The following RBFOX1 variants were observed in gnomAD, a reference collection of about 807,000 sequenced individuals.
The protein encoded by RBFOX1 is RNA binding protein fox-1 homolog 1.
RBFOX1 carries 8 observed loss-of-function variants against 57.7 expected under a neutral mutation model. That is an observed-to-expected ratio of 0.14 (90% CI 0.08 to 0.25). The LOEUF is 0.25. Among genes scored for constraint, RBFOX1 ranks in the 10% least tolerant of loss-of-function variants. RBFOX1 has a pLI of 1.00. For synonymous variants in RBFOX1, 326 were observed against 222.4 expected, an observed-to-expected ratio of 1.47 and a Z score of -4.15; for missense variants, 611 against 548.5, an observed-to-expected ratio of 1.11 and a Z score of -1.14.
chr16:6,574,611 G>T (rs1215976830), intron 2 of RBFOX1, among the ~76,000 whole-genome samples: 2 of 148,992 alleles, frequency 1.3e-5, no homozygotes, highest in Admixed American at 6.6e-5. Flanking sequence ...TGTATTTTTA[G>T]TAGAGACGGG....
At chr16:7,382,300 A>G (rs1256609790) in intron 4 of RBFOX1, among the ~76,000 whole-genome samples, 1 of 152,240 alleles carries the variant, frequency 6.6e-6, no homozygotes, top group Non-Finnish European at 1.5e-5. Context: ...CATAAATTAT[A>G]TCATACTTAA....
intron 4 of RBFOX1, among the ~76,000 whole-genome samples, chr16:7,347,582 C>G (rs146728815): frequency 1.3e-5 from 2 of 152,198 alleles, no homozygotes; most frequent in Admixed American, 1.3e-4. Context: ...CTGGAATTAT[C>G]GAGCATTATC....
intron 2 of RBFOX1, among the ~76,000 whole-genome samples, chr16:6,606,892 C>G (rs1250825293): frequency 6.6e-6 from 1 of 152,100 alleles, no homozygotes; most frequent in Admixed American, 6.5e-5. Flanking sequence ...ATTGCTGGGT[C>G]AAATGGTGTT....
chr16:5,309,425 G>C (rs1366546665), intron 1 of RBFOX1, among the ~76,000 whole-genome samples: 1 of 152,154 alleles, frequency 6.6e-6, no homozygotes, highest in Non-Finnish European at 1.5e-5. Flanking sequence ...TAACACCAAA[G>C]TTGATTGATC....
chr16:6,679,227 A>C (rs1308417015), intron 3 of RBFOX1, among the ~76,000 whole-genome samples: 2 of 152,064 alleles, frequency 1.3e-5, no homozygotes, highest in Non-Finnish European at 2.9e-5. Flanking sequence ...TGACGATGAC[A>C]TGAAATCGCG....
At chr16:6,688,452 A>G (rs1029866960) in intron 3 of RBFOX1, among the ~76,000 whole-genome samples, 2 of 152,108 alleles carry the variant, frequency 1.3e-5, no homozygotes, top group African/African-American at 4.8e-5. Context: ...GCATTCTTTT[A>G]TTTAGACCCC....
intron 1 of RBFOX1, among the ~76,000 whole-genome samples, chr16:5,438,893 A>G (rs537192657): frequency 2.6e-5 from 4 of 152,096 alleles, no homozygotes; most frequent in Non-Finnish European, 5.9e-5. Context: ...AGGGAGGTGA[A>G]GAAGGTCTCT....
intron 2 of RBFOX1, among the ~76,000 whole-genome samples, chr16:6,392,647 C>G (rs1473628632): frequency 6.6e-6 from 1 of 152,192 alleles, no homozygotes; most frequent in East Asian, 1.9e-4. Context: ...GACTAATAGA[C>G]CCCCCTAATG....
intron 4 of RBFOX1, among the ~76,000 whole-genome samples, chr16:7,295,260 C>G (rs909969953): frequency 3.9e-5 from 6 of 152,046 alleles, no homozygotes; most frequent in African/African-American, 1.4e-4. Context: ...TGTATAGTGC[C>G]ATGTCATTTA....
intron 3 of RBFOX1, among the ~76,000 whole-genome samples, chr16:7,036,610 T>A (rs544211203): frequency 3.0e-4 from 46 of 151,910 alleles, no homozygotes; most frequent in East Asian, 2.9e-3. Flanking sequence ...GGAGAATCGC[T>A]TGAAACCGTA....
At chr16:7,156,483 A>G (rs2077167334) in intron 4 of RBFOX1, among the ~76,000 whole-genome samples, 1 of 152,110 alleles carries the variant, frequency 6.6e-6, no homozygotes, top group South Asian at 2.1e-4. Flanking sequence ...ACAGGTAGAT[A>G]CACATCTATG....
rs983401574 is a variant in RBFOX1 at position 6,899,203 on chromosome 16, G to C, written c.-15-152854G>C. On this transcript the variant is annotated intron_variant, in intron 3 of 15. Coordinates refer to ENST00000550418, the MANE Select transcript of RBFOX1 (RefSeq NM_018723.4). Reference sequence around the variant, plus strand: ...ATAATATGTGTGTGAGTGCATATGTGTGTATATGTGTGTGTATGTGTGGAT... The same window carrying C: ...ATAATATGTGTGTGAGTGCATATGTCTGTATATGTGTGTGTATGTGTGGAT... Among the ~76,000 whole-genome samples the C allele has an allele frequency of 6.7e-5, 10 of 148,364 alleles. 2 individuals carry two copies. Among genetic ancestry groups the C allele is most frequent in the East Asian group, 1.9e-4 (1 of 5,164 alleles).
intron 4 of RBFOX1, among the ~76,000 whole-genome samples, chr16:7,388,992 A>C (rs1240039209): frequency 1.3e-5 from 2 of 152,196 alleles, no homozygotes; most frequent in Admixed American, 1.3e-4. Flanking sequence ...AAGTGCTTAA[A>C]ACATTTTTTT....
chr16:6,952,434 C>T (rs1275787396), intron 3 of RBFOX1, among the ~76,000 whole-genome samples: 1 of 152,054 alleles, frequency 6.6e-6, no homozygotes, highest in Non-Finnish European at 1.5e-5. Context: ...ATTGCTTGAG[C>T]CCAGGAGTTT....
rs184650288 is a variant in RBFOX1 at position 5,748,663 on chromosome 16, A to G, written c.319-118640A>G. On this transcript the variant is annotated intron_variant, in intron 3 of 19. Coordinates refer to the RBFOX1 transcript ENST00000641259. ...TCTCTTTTGATCTTTGTTGGTTTAAAGTCTGTTTTATCCGAGACTAGGACC... is the reference window on the plus strand; with the variant it reads ...TCTCTTTTGATCTTTGTTGGTTTAAGGTCTGTTTTATCCGAGACTAGGACC... 1.7e-3 allele frequency among the ~76,000 whole-genome samples: 258 copies of G among 152,144 alleles called. 3 individuals are homozygous for G. The highest frequency in any genetic ancestry group is 4.3e-4 in the Non-Finnish European group (29 of 68,000).
intron 4 of RBFOX1, among the ~76,000 whole-genome samples, chr16:5,875,309 T>C (rs900822112): frequency 3.3e-5 from 5 of 152,192 alleles, no homozygotes; most frequent in Admixed American, 6.5e-5. Context: ...GTGGGAGCCA[T>C]ATCTGAACCA....
intron 4 of RBFOX1, among the ~76,000 whole-genome samples, chr16:7,108,554 A>G (rs558155337): frequency 2.0e-5 from 3 of 152,272 alleles, no homozygotes; most frequent in East Asian, 3.9e-4. Context: ...GTGATTCTGT[A>G]TGTGCCTGTA....
chr16:6,360,480 G>A (rs954443785), intron 2 of RBFOX1, among the ~76,000 whole-genome samples: 1 of 152,098 alleles, frequency 6.6e-6, no homozygotes, highest in Non-Finnish European at 1.5e-5. Context: ...TGGATTTACA[G>A]CTTACACCTC....
At chr16:6,953,775 C>A (rs1050462341) in intron 3 of RBFOX1, among the ~76,000 whole-genome samples, 2 of 152,094 alleles carry the variant, frequency 1.3e-5, no homozygotes, top group African/African-American at 4.8e-5. Context: ...ATAGGCTTGT[C>A]TTTGAATATC....
Sources: allele counts gnomAD v4.1 joint callset (sites outside exome capture counted in the v4.1 genomes callset), GRCh38; gene constraint gnomAD v4.1.1; transcripts MANE v1.5; gene names NCBI Gene and HGNC (gene_info 2026-07-23, HGNC 2026-07-21).